The following EPHA3 variants were observed in gnomAD, a reference collection of about 807,000 sequenced individuals.
EPHA3 encodes EPH receptor A3, also known as ephrin type-A receptor 3.
A neutral mutation model predicts 107.1 loss-of-function variants in EPHA3; 42 were observed. That is an observed-to-expected ratio of 0.39 (90% confidence interval 0.31 to 0.51). The LOEUF is 0.51. Ranked by LOEUF, EPHA3 falls within the 20% of genes least tolerant of loss-of-function variation. EPHA3 has a pLI of 0.78. For missense variants in EPHA3, 1,183 were observed against 1,211.2 expected, an observed-to-expected ratio of 0.98 and a Z score of 0.35; for synonymous variants, 461 against 424.8, an observed-to-expected ratio of 1.09 and a Z score of -1.05.
chr3:89,199,030 A>G (rs1705907973), intron 2 of EPHA3, among the ~76,000 whole-genome samples: 1 of 152,186 alleles, frequency 6.6e-6, no homozygotes, highest in Admixed American at 6.5e-5. Flanking sequence ...ATATCTTTCC[A>G]AGAATTGGAA....
At chr3:89,393,068 G>A (rs1182417891) in intron 5 of EPHA3, among the ~76,000 whole-genome samples, 1 of 151,944 alleles carries the variant, frequency 6.6e-6, no homozygotes, top group African/African-American at 2.4e-5. Context: ...AAAAGTACCG[G>A]GCTTCCAGCT....
intron 3 of EPHA3, among the ~76,000 whole-genome samples, chr3:89,330,785 T>C (rs9866959): frequency 0.47 from 71,372 of 151,934 alleles, 17,130 homozygotes; most frequent in African/African-American, 0.54. Flanking sequence ...TTTTCCGCTC[T>C]GTTTTCATTT....
At chr3:89,142,540 G>A (rs1321274732) in intron 2 of EPHA3, among the ~76,000 whole-genome samples, 1 of 151,262 alleles carries the variant, frequency 6.6e-6, no homozygotes, top group South Asian at 2.1e-4. Flanking sequence ...CAAAGTAAAA[G>A]GATGTTTTAA....
chr3:89,408,122 A>G lies in EPHA3; in HGVS notation c.1753A>G (p.Asn585Asp). The change falls in exon 9 of 17, where the codon AAT (asparagine) becomes GAT (aspartate). Residue 585 changes from asparagine to aspartate, a missense_variant. By Grantham distance (23) the Asn-to-Asp change is conservative. Transcript: ENST00000336596. ...GADEKRLHFG[N>D]GHLKLPGLRT... is the part of the protein sequence containing the mutation. Reference sequence around the variant, plus strand: ...AGATGAAAAAAGACTTCATTTTGGCAATGGGCATTGTAAGTTTCTAAACTT... The same window carrying G: ...AGATGAAAAAAGACTTCATTTTGGCGATGGGCATTGTAAGTTTCTAAACTT... 2 of 1,612,804 alleles carry G rather than the reference A, an allele frequency of 1.2e-6. No individual in the cohort carries two copies. The highest frequency in any genetic ancestry group is 1.1e-5 in the South Asian group (1 of 91,038).
At chr3:89,218,148 T>C (rs1704262551) in intron 3 of EPHA3, among the ~76,000 whole-genome samples, 1 of 152,026 alleles carries the variant, frequency 6.6e-6, no homozygotes, top group Non-Finnish European at 1.5e-5. Flanking sequence ...ATTATTATTA[T>C]TATTATTATG....
rs577741045 is a variant in EPHA3, at chr3:89,400,597, TGAA to T, written c.1594+1121_1594+1123del. Reference sequence around the variant, plus strand: ...ATTAAAACCTGTGCTAAGAAAAACTTGAAGAACAGATACATAATTATGTGTGTG... The same window carrying T: ...ATTAAAACCTGTGCTAAGAAAAACTTGAACAGATACATAATTATGTGTGTG... On this transcript the variant is annotated intron_variant, in intron 7 of 16. Coordinates refer to ENST00000336596, the MANE Select transcript of EPHA3 (RefSeq NM_005233.6). Among the ~76,000 whole-genome samples, 18 of 152,006 alleles carry T rather than the reference TGAA, an allele frequency of 1.2e-4. No homozygotes were observed. In the South Asian group the frequency reaches 3.7e-3, roughly 32 times the overall value.
At position 89,127,549 on chromosome 3, in the gene EPHA3, G is replaced by A. The variant is rs143924456; in HGVS notation, c.153+276G>A. On this transcript the variant is annotated intron_variant, in intron 2 of 16. Transcript: ENST00000336596. The stretch of plus-strand genomic sequence containing the variant: ...TTGGCATCATGTCAATGATCTAAGA[G>A]TGACTTTTTTTGATGTGATCAGAAT... 1.5e-3 allele frequency among the ~76,000 whole-genome samples: 229 copies of A among 152,086 alleles called. 7 individuals carry two copies. The highest frequency in any genetic ancestry group is 0.014 in the East Asian group (71 of 5,180).
chr3:89,426,454 G>A (rs1034541696), intron 11 of EPHA3, among the ~76,000 whole-genome samples: 6 of 151,776 alleles, frequency 4.0e-5, no homozygotes, highest in African/African-American at 1.4e-4. Context: ...TGAACGTAAT[G>A]CAAAGCACAT....
Position 89,195,865 on chromosome 3 carries a change from GA to G in EPHA3, c.154-13990del, listed in dbSNP as rs576239950. Among the ~76,000 whole-genome samples the G allele has an allele frequency of 5.3e-5, 8 of 152,238 alleles. No homozygotes were observed. In the South Asian group the frequency reaches 1.7e-3, roughly 32 times the overall value. Reference sequence around the variant, plus strand: ...GTTGCTTAAATCTCACGAGTGATGAGAAAAACTTCCATTATATTCCAAACCA... The same window carrying G: ...GTTGCTTAAATCTCACGAGTGATGAGAAAACTTCCATTATATTCCAAACCA... On this transcript the variant is annotated intron_variant, in intron 2 of 16. Coordinates refer to ENST00000336596, the MANE Select transcript of EPHA3 (RefSeq NM_005233.6).
intron 3 of EPHA3, among the ~76,000 whole-genome samples, chr3:89,241,453 TA>T (rs1191332151): frequency 6.6e-6 from 1 of 152,202 alleles, no homozygotes; most frequent in Non-Finnish European, 1.5e-5. Context: ...CTATTTCTAT[TA>T]CATCTACTAA....
intron 5 of EPHA3, among the ~76,000 whole-genome samples, chr3:89,351,448 T>G (rs1049295830): frequency 2.0e-5 from 3 of 150,626 alleles, no homozygotes; most frequent in Non-Finnish European, 4.5e-5. Flanking sequence ...GCTTCCCAGG[T>G]GAGGCAATGC....
intron 2 of EPHA3, among the ~76,000 whole-genome samples, chr3:89,140,279 C>A (rs1223517822): frequency 6.6e-6 from 1 of 151,738 alleles, no homozygotes; most frequent in African/African-American, 2.4e-5. Flanking sequence ...TCTGTATAAG[C>A]CAATTAATTT....
chr3:89,364,015 C>G (rs573878904), intron 5 of EPHA3, among the ~76,000 whole-genome samples: 1 of 150,854 alleles, frequency 6.6e-6, no homozygotes, highest in Non-Finnish European at 1.5e-5. Flanking sequence ...GGAAAAGGCA[C>G]ACTATAGGTT....
intron 2 of EPHA3, among the ~76,000 whole-genome samples, chr3:89,188,041 T>C (rs1236027756): frequency 6.6e-6 from 1 of 152,132 alleles, no homozygotes; most frequent in Non-Finnish European, 1.5e-5. Flanking sequence ...ATATAACAAG[T>C]TACTTTATTC....
chr3:89,271,176 T>G (rs535811158), intron 3 of EPHA3, among the ~76,000 whole-genome samples: 1 of 152,184 alleles, frequency 6.6e-6, no homozygotes, highest in South Asian at 2.1e-4. Context: ...CAGGAAATGT[T>G]AGGTCCAATA....
At chr3:89,341,343 A>G (rs566012037) in intron 4 of EPHA3, among the ~76,000 whole-genome samples, 1 of 152,300 alleles carries the variant, frequency 6.6e-6, no homozygotes, top group Non-Finnish European at 1.5e-5. Context: ...TGCATTACAT[A>G]TGACAGGATA....
chr3:89,332,296 A>T (rs1707305450), intron 3 of EPHA3, among the ~76,000 whole-genome samples: 1 of 152,230 alleles, frequency 6.6e-6, no homozygotes, highest in African/African-American at 2.4e-5. Flanking sequence ...TACATTGGAC[A>T]TATTTTAGTG....
intron 3 of EPHA3, among the ~76,000 whole-genome samples, chr3:89,297,688 AC>A (rs1219640222): frequency 6.6e-6 from 1 of 152,158 alleles, no homozygotes; most frequent in East Asian, 1.9e-4. Flanking sequence ...GTTGCCACAA[AC>A]CTTTGGTTTG....
chr3:89,336,247 A>C (rs530752474), intron 3 of EPHA3, among the ~76,000 whole-genome samples: 1 of 151,340 alleles, frequency 6.6e-6, no homozygotes, highest in Non-Finnish European at 1.5e-5. Flanking sequence ...ATTGTTACTC[A>C]CTAGTTTTAC....
Sources: gnomAD v4.1 joint callset for allele counts (sites outside exome capture counted in the v4.1 genomes callset) on GRCh38, gnomAD v4.1.1 for gene constraint, MANE v1.5 for transcripts, NCBI Gene and HGNC (gene_info 2026-07-23, HGNC 2026-07-21) for gene names.